The following EYS variants were observed in gnomAD, a reference collection of about 807,000 sequenced individuals.
EYS encodes the protein protein eyes shut homolog.
EYS carries 250 observed loss-of-function variants against 282.1 expected under a neutral mutation model. The observed-to-expected ratio is 0.89, with a 90% CI of 0.80 to 0.98. The LOEUF (loss-of-function observed/expected upper bound fraction) is 0.98. Among genes scored for constraint, EYS ranks in the 50% least tolerant of loss-of-function variants. The pLI, the probability that EYS is intolerant of heterozygous loss-of-function variation, is 0.00. For missense variants in EYS, 4,016 were observed against 3,709.0 expected (o/e 1.08, Z -2.15); for synonymous variants, 1,355 against 1,282.9 (o/e 1.06, Z -1.20).
At chr6:63,923,207 C>T (rs1554187735) in intron 35 of EYS, among the ~76,000 whole-genome samples, 2 of 151,932 alleles carry the variant, frequency 1.3e-5, no homozygotes, top group Non-Finnish European at 2.9e-5. Context: ...TTTCATTCCC[C>T]TAGAATAGAA....
intron 28 of EYS, among the ~76,000 whole-genome samples, chr6:64,423,393 A>C (rs973056131): frequency 6.6e-6 from 1 of 152,226 alleles, no homozygotes; most frequent in Non-Finnish European, 1.5e-5. Context: ...CATTTTAACT[A>C]TAAGTTTAGT....
At chr6:65,360,075 C>A (rs534163361) in intron 8 of EYS, among the ~76,000 whole-genome samples, 65 of 151,974 alleles carry the variant, frequency 4.3e-4, no homozygotes, top group African/African-American at 1.5e-3. Context: ...CACATAAGAA[C>A]TATTATTGTT....
chr6:65,390,149 G>A (rs894074068), intron 7 of EYS, among the ~76,000 whole-genome samples: 11 of 151,664 alleles, frequency 7.3e-5, no homozygotes, highest in African/African-American at 2.7e-4. Context: ...CATGGGAGAT[G>A]GACTGAGGTG....
intron 31 of EYS, among the ~76,000 whole-genome samples, chr6:64,141,504 C>CT (rs1355829815): frequency 1.3e-5 from 2 of 151,822 alleles, no homozygotes; most frequent in African/African-American, 2.4e-5. Context: ...GAAACAGCCT[C>CT]TTTTTTTATT....
intron 22 of EYS, among the ~76,000 whole-genome samples, chr6:64,703,427 A>ATTTTTTTTT (rs1488123469): frequency 7.7e-4 from 22 of 28,414 alleles, no homozygotes; most frequent in African/African-American, 9.9e-4. Flanking sequence ...ATATATATAT[A>ATTTTTTTTT]TATTTTTTTT....
At chr6:64,965,386 A>G (rs994219985) in intron 14 of EYS, among the ~76,000 whole-genome samples, 4 of 151,838 alleles carry the variant, frequency 2.6e-5, no homozygotes, top group South Asian at 4.1e-4. Flanking sequence ...CCAATATATT[A>G]TATATGTTAT....
intron 12 of EYS, among the ~76,000 whole-genome samples, chr6:65,147,803 A>C (rs144459829): frequency 6.6e-6 from 1 of 152,070 alleles, no homozygotes; most frequent in Non-Finnish European, 1.5e-5. Context: ...ACAGTTCCGC[A>C]TGACTGGGGA....
At chr6:64,463,869 T>C (rs995590705) in intron 26 of EYS, among the ~76,000 whole-genome samples, 1 of 152,166 alleles carries the variant, frequency 6.6e-6, no homozygotes, top group African/African-American at 2.4e-5. Flanking sequence ...TTAATGAACT[T>C]ATACCAATTC....
intron 9 of EYS, among the ~76,000 whole-genome samples, chr6:65,351,354 A>T (rs1480482690): frequency 6.6e-6 from 1 of 151,816 alleles, no homozygotes; most frequent in Non-Finnish European, 1.5e-5. Flanking sequence ...TAATGATTAA[A>T]TATGCATACA....
At chr6:65,481,634 C>T (rs150158819) in intron 5 of EYS, among the ~76,000 whole-genome samples, 3,548 of 152,214 alleles carry the variant, frequency 0.023, 101 homozygotes, top group African/African-American at 0.062. Context: ...CTGCAAGCTC[C>T]GCCTCCCGGG....
intron 28 of EYS, among the ~76,000 whole-genome samples, chr6:64,399,968 G>T (rs1354360369): frequency 6.6e-6 from 1 of 151,834 alleles, no homozygotes; most frequent in Non-Finnish European, 1.5e-5. Context: ...AAGATTTTCT[G>T]CAGAACAGCA....
chr6:63,930,286 C>T (rs115062271), intron 35 of EYS, among the ~76,000 whole-genome samples: 3 of 150,420 alleles, frequency 2.0e-5, no homozygotes, highest in Admixed American at 1.3e-4. Context: ...ACCCACCCCC[C>T]CCACCCAAAA....
chr6:65,126,952 A>T (rs1348320902), intron 12 of EYS, among the ~76,000 whole-genome samples: 1 of 152,086 alleles, frequency 6.6e-6, no homozygotes, highest in Non-Finnish European at 1.5e-5. Flanking sequence ...AAGAGTGTGA[A>T]TTGTGATCCA....
chr6:64,151,828 A>G (rs1774750939), intron 31 of EYS, among the ~76,000 whole-genome samples: 1 of 152,160 alleles, frequency 6.6e-6, no homozygotes, highest in African/African-American at 2.4e-5. Flanking sequence ...CATCATATAT[A>G]TTGTCTTATT....
intron 30 of EYS, among the ~76,000 whole-genome samples, chr6:64,254,602 TCTC>T: frequency 6.6e-6 from 1 of 151,882 alleles, no homozygotes; most frequent in East Asian, 1.9e-4. Flanking sequence ...AGAAGTCACT[TCTC>T]CTACATATCC....
chr6:65,315,031 A>G (rs1769263081), intron 11 of EYS, among the ~76,000 whole-genome samples: 1 of 152,080 alleles, frequency 6.6e-6, no homozygotes, highest in Non-Finnish European at 1.5e-5. Context: ...GTTCAAATGA[A>G]TGGAATCTCA....
intron 23 of EYS, among the ~76,000 whole-genome samples, chr6:64,621,898 C>T (rs954427620): frequency 9.2e-5 from 14 of 152,152 alleles, no homozygotes; most frequent in Non-Finnish European, 1.6e-4. Context: ...ATTTGCTCTT[C>T]ATGGGATAGC....
intron 11 of EYS, among the ~76,000 whole-genome samples, chr6:65,328,976 G>A (rs1366212151): frequency 6.6e-6 from 1 of 151,076 alleles, no homozygotes. Context: ...AAGGCTGCAT[G>A]AAACTCCAAG....
chr6:63,854,276 A>C (rs1772335123), intron 36 of EYS, among the ~76,000 whole-genome samples: 1 of 152,200 alleles, frequency 6.6e-6, no homozygotes, highest in African/African-American at 2.4e-5. Context: ...ATGTAGCCAT[A>C]AAAAAGAATG....
Sources: allele counts gnomAD v4.1 joint callset (sites outside exome capture counted in the v4.1 genomes callset), GRCh38; gene constraint gnomAD v4.1.1; transcripts MANE v1.5; gene names NCBI Gene and HGNC (gene_info 2026-07-23, HGNC 2026-07-21).